Variants in HERC2 observed in about 807,000 individuals in gnomAD.
HERC2 encodes the protein HECT and RLD domain containing E3 ubiquitin protein ligase 2, also known as E3 ubiquitin-protein ligase HERC2.
Under a neutral mutation model 537.7 loss-of-function variants are expected in HERC2, and 102 were observed. The ratio of observed to expected loss-of-function variants is 0.19; its 90% CI spans 0.16 to 0.22. HERC2 has a LOEUF of 0.22. Among genes scored for constraint, HERC2 ranks in the 10% least tolerant of loss-of-function variants. The pLI is 1.00. For synonymous variants in HERC2, 2,224 were observed against 2,466.2 expected, an observed-to-expected ratio of 0.90 and a Z score of 2.91; for missense variants, 4,236 against 6,198.2, an observed-to-expected ratio of 0.68 and a Z score of 10.63.
At chr15:28,241,923 A>G (rs4932618) in intron 23 of HERC2, among the ~76,000 whole-genome samples, 147,281 of 152,350 alleles carry the variant, frequency 0.97, 71,329 homozygotes, top group Non-Finnish European at 0.99. Context: ...AACAACCCAA[A>G]TGTCATCAAC....
At chr15:28,310,673 T>C (rs1249215230) in intron 2 of HERC2, among the ~76,000 whole-genome samples, 2 of 152,008 alleles carry the variant, frequency 1.3e-5, no homozygotes, top group African/African-American at 2.4e-5. Context: ...CACAGCTCCA[T>C]GTGGGCCGTG....
chr15:28,249,796 C>T (rs376031823), intron 20 of HERC2, among the ~76,000 whole-genome samples: 5 of 151,198 alleles, frequency 3.3e-5, no homozygotes, highest in African/African-American at 4.9e-5. Context: ...TACAGGCACA[C>T]GCCACCACGC....
chr15:28,272,514 TA>T, intron 8 of HERC2, 128 bp from the exon 9 acceptor site: 1 of 853,264 alleles, frequency 1.2e-6, no homozygotes, highest in Non-Finnish European at 1.8e-6. Flanking sequence ...GAAACTAAAC[TA>T]AAGCCGTGGT....
chr15:28,171,623 G>A (rs1894704860), intron 65 of HERC2, among the ~76,000 whole-genome samples: 1 of 151,812 alleles, frequency 6.6e-6, no homozygotes, highest in African/African-American at 2.4e-5. Context: ...TGTATGACAA[G>A]ATGAAGCTCA....
At chr15:28,292,185 C>T (rs1327542988) in intron 4 of HERC2, among the ~76,000 whole-genome samples, 1 of 140,234 alleles carries the variant, frequency 7.1e-6, no homozygotes. Flanking sequence ...GCCAAGATTG[C>T]ACCACTGCAC....
At chr15:28,154,798 G>T (rs1892816121) in intron 69 of HERC2, among the ~76,000 whole-genome samples, 1 of 151,884 alleles carries the variant, frequency 6.6e-6, no homozygotes, top group Non-Finnish European at 1.5e-5. Context: ...TAAGTTCTAG[G>T]GTACATGTGC....
intron 69 of HERC2, among the ~76,000 whole-genome samples, chr15:28,159,177 CTTCAT>C (rs1893319144): frequency 6.6e-6 from 1 of 152,132 alleles, no homozygotes. Context: ...ACATTTTTTC[CTTCAT>C]TTCAACTTTG....
At chr15:28,276,517 T>C (rs1236387162) in intron 5 of HERC2, among the ~76,000 whole-genome samples, 1 of 152,036 alleles carries the variant, frequency 6.6e-6, no homozygotes, top group African/African-American at 2.4e-5. Context: ...GGCCAGTCAC[T>C]TTAGGTCAGG....
chr15:28,255,816 T>C, intron 19 of HERC2, 56 bp downstream of exon 19: 2 of 1,553,172 alleles, frequency 1.3e-6, no homozygotes, highest in Non-Finnish European at 1.7e-6. Flanking sequence ...CGTGTGTGAG[T>C]GTGGTATTTC....
intron 20 of HERC2, among the ~76,000 whole-genome samples, chr15:28,252,427 A>T (rs2075114845): frequency 1.3e-5 from 2 of 152,182 alleles, no homozygotes; most frequent in South Asian, 4.1e-4. Flanking sequence ...CAGAAAAGGG[A>T]GGGGCATTCA....
intron 4 of HERC2, among the ~76,000 whole-genome samples, chr15:28,285,290 C>A (rs1192499060): frequency 2.0e-5 from 3 of 152,162 alleles, no homozygotes; most frequent in Non-Finnish European, 4.4e-5. Context: ...AGAACATATT[C>A]TGAGGCATAA....
At position 28,174,469 on chromosome 15, in the gene HERC2, T is replaced by C; in HGVS notation, c.9983A>G (p.Asp3328Gly). Residue 3328 changes from aspartate (D) to glycine (G), a missense_variant, in exon 65 of 93, where the codon GAT becomes GGT. Asp to Gly is a moderately conservative substitution (Grantham distance 94, BLOSUM62 -1). Transcript: ENST00000261609. The part of the protein sequence containing the change: ...SSHSVAWTTV[D>G]VATPSVHEPV... The stretch of plus-strand genomic sequence containing the variant: ...CTCGTGGACAGAGGGCGTGGCCACA[T>C]CCACAGTTGTCCACGCCACACTGTG... 17 of 1,613,890 alleles carry C rather than the reference T, an allele frequency of 1.1e-5. No individual in the cohort carries two copies. The highest frequency in any genetic ancestry group is 1.4e-5 in the Non-Finnish European group (17 of 1,179,920).
chr15:28,141,815 T>G lies in HERC2; in HGVS notation c.11732A>C (p.Asp3911Ala). The G allele has an allele frequency of 6.2e-7, 1 of 1,614,152 alleles. No individual in the cohort carries two copies. The highest frequency in any genetic ancestry group is 8.5e-7 in the Non-Finnish European group (1 of 1,180,014). Reference protein sequence around the residue: ...VAKKIRELMADSENMDVLHES... With the variant: ...VAKKIRELMAASENMDVLHES... ...ATGCAGAACATCCATGTTTTCGCTGTCTGCCATTAATTCACGAATTTTCTT... is the reference window on the plus strand; with the variant it reads ...ATGCAGAACATCCATGTTTTCGCTGGCTGCCATTAATTCACGAATTTTCTT... Residue 3911 changes from aspartate (D) to alanine (A), a missense_variant, in exon 77 of 93, where the codon GAC becomes GCC. Around this residue, in one of 27 missense-constraint regions of HERC2, gnomAD observed 156 missense variants for 172.3 expected, o/e 0.91. Transcript: ENST00000261609.
intron 78 of HERC2, among the ~76,000 whole-genome samples, 161 bp from the exon 79 acceptor site, chr15:28,135,853 C>T (rs1890581330): frequency 6.6e-6 from 1 of 152,118 alleles, no homozygotes; most frequent in Non-Finnish European, 1.5e-5. Context: ...TTTATACATG[C>T]TCTATCAAAG....
rs996128222 is a variant in HERC2 at position 28,247,165 on chromosome 15, A to AT, written c.3236-269dup. 3.8e-3 allele frequency among the ~76,000 whole-genome samples: 560 copies of AT among 148,268 alleles called. 6 individuals carry two copies. The highest frequency in any genetic ancestry group is 0.012 in the African/African-American group (503 of 40,574). ...ACTAAAGTCATAATTTAATTTAAAG[A>AT]TTTTTTTTTTTAACAGACGGGGGTC... On this transcript the variant is annotated intron_variant, in intron 21 of 92. Coordinates refer to ENST00000261609, the MANE Select transcript of HERC2 (RefSeq NM_004667.6).
In HERC2 at chr15:28,198,665, C is replaced by T. The variant is rs760387654; in HGVS notation, c.7821G>A (p.Val2607=). ...CCCCTTTCTGCTGCCAGTCACACTGCACATTGAGATCATGCAATCCATCTC... is the reference window on the plus strand; with the variant it reads ...CCCCTTTCTGCTGCCAGTCACACTGTACATTGAGATCATGCAATCCATCTC... ...LDRDGLHDLN[V]QCDWQQKGGT... The change falls in exon 49 of 93, where the codon GTG becomes GTA. Residue 2607 remains valine (V), a synonymous_variant. Transcript: ENST00000261609. 3 of 1,614,154 alleles carry T rather than the reference C, an allele frequency of 1.9e-6. No homozygotes were observed. In the South Asian group the frequency reaches 3.3e-5, roughly 18 times the overall value.
chr15:28,315,567 G>A lies in HERC2; in HGVS notation c.72+5795C>T, dbSNP rs1303623037. ...CCCAGCACTTTGGGAGGCCAAGGCA[G>A]GTGGATCACGAGCTCAGGAGTTCAA... On this transcript the variant is annotated intron_variant, in intron 2 of 92. Transcript: ENST00000261609. The A allele has an allele frequency of 8.9e-6, 4 of 450,040 alleles. No individual in the cohort carries two copies. The Admixed American group carries it at 1.1e-4, about 12-fold the overall frequency. The allele number at this position is 450,040 out of a possible 1,614,324, so 27.9% of individuals were successfully genotyped here. A position where few individuals can be genotyped will look rare whatever the true frequency, so the allele number is the denominator to read the frequency against.
At chr15:28,295,250 A>G (rs1435511294) in intron 3 of HERC2, among the ~76,000 whole-genome samples, 1 of 142,066 alleles carries the variant, frequency 7.0e-6, no homozygotes, top group Admixed American at 7.6e-5. Context: ...CCAGGAACAC[A>G]GCTCAGGTGA....
intron 23 of HERC2, among the ~76,000 whole-genome samples, chr15:28,244,225 A>G (rs1903432563): frequency 1.3e-5 from 2 of 152,216 alleles, no homozygotes; most frequent in Admixed American, 1.3e-4. Flanking sequence ...ATTTCCATCA[A>G]CAAGTAGAAT....
Sources: gnomAD v4.1 joint callset for allele counts (sites outside exome capture counted in the v4.1 genomes callset) on GRCh38, gnomAD v4.1.1 for gene constraint, gnomAD v4.1.1 regional missense constraint, MANE v1.5 for transcripts, NCBI Gene and HGNC (gene_info 2026-07-23, HGNC 2026-07-21) for gene names.